The following CFAP47 variants were observed in gnomAD, a reference collection of about 807,000 sequenced individuals.
The protein encoded by CFAP47 is cilia- and flagella-associated protein 47.
In CFAP47, 29 loss-of-function variants were observed where a neutral mutation model predicts 148.1. The observed-to-expected ratio is 0.20, with a 90% CI of 0.15 to 0.27. The LOEUF is 0.27. Ranked by LOEUF, CFAP47 falls within the 10% of genes least tolerant of loss-of-function variation. CFAP47 has a pLI of 1.00. For synonymous variants in CFAP47, 664 were observed against 577.3 expected (o/e 1.15, Z -2.15); for missense variants, 1,872 against 1,697.5 (o/e 1.10, Z -1.81).
intron 26 of CFAP47, among the ~76,000 whole-genome samples, chrX:36,059,968 C>G (rs1338175631): frequency 9.0e-6 from 1 of 111,041 alleles, no homozygotes; most frequent in Non-Finnish European, 1.9e-5. Context: ...CTCACTCCTC[C>G]CTCTCTTCCT....
chrX:36,249,984 A>G (rs1388967625), intron 48 of CFAP47, among the ~76,000 whole-genome samples: 4 of 111,388 alleles, frequency 3.6e-5, no homozygotes, highest in African/African-American at 1.3e-4. Flanking sequence ...AAATTAGTAC[A>G]GCCATTACGA....
At chrX:36,078,190 G>A (rs1937902418) in intron 29 of CFAP47, among the ~76,000 whole-genome samples, 1 of 111,599 alleles carries the variant, frequency 9.0e-6, no homozygotes, top group Non-Finnish European at 1.9e-5. Flanking sequence ...TTGATTTGGG[G>A]TGGAGAGTTC....
chrX:36,054,688 A>T (rs910100417), intron 26 of CFAP47, among the ~76,000 whole-genome samples: 2 of 111,908 alleles, frequency 1.8e-5, no homozygotes, highest in Admixed American at 9.5e-5. Flanking sequence ...AGCAGACTTA[A>T]AATTCATCAT....
intron 11 of CFAP47, 23 bp from the exon 12 acceptor site, chrX:35,971,563 T>G (rs1176779306): frequency 5.5e-5 from 52 of 946,899 alleles, no homozygotes; most frequent in Non-Finnish European, 7.4e-5. Flanking sequence ...AATTACTGAT[T>G]ATTATTATTA....
At chrX:35,976,707 A>AT (rs199966181) in intron 15 of CFAP47, among the ~76,000 whole-genome samples, 7 of 111,676 alleles carry the variant, frequency 6.3e-5, no homozygotes, top group Non-Finnish European at 1.3e-4. Flanking sequence ...AGAATGACAT[A>AT]TTTTTCTAGT....
chrX:35,960,380 G>GGAAAAAAAAAAAA (rs1227681980), intron 8 of CFAP47, among the ~76,000 whole-genome samples: 4 of 15,489 alleles, frequency 2.6e-4, no homozygotes, highest in African/African-American at 1.0e-3. Context: ...GCTAATTTCT[G>GGAAAAAAAAAAAA]AAAAAAAAAA....
At chrX:36,044,891 G>A (rs937280924) in intron 25 of CFAP47, among the ~76,000 whole-genome samples, 2 of 112,014 alleles carry the variant, frequency 1.8e-5, no homozygotes, top group African/African-American at 6.5e-5. Context: ...ATTGTTATCT[G>A]TTGGCATGTA....
chrX:36,381,405 A>G (rs1028977631), intron 63 of CFAP47, among the ~76,000 whole-genome samples: 1 of 112,187 alleles, frequency 8.9e-6, no homozygotes, highest in Admixed American at 9.5e-5. Context: ...TTTTTAAATG[A>G]ATGATTTTAA....
chrX:36,070,573 C>T (rs1020163446), intron 27 of CFAP47, among the ~76,000 whole-genome samples: 2 of 106,887 alleles, frequency 1.9e-5, no homozygotes, highest in Non-Finnish European at 3.9e-5. Context: ...TCTCAGCTCA[C>T]CTCCACCTCC....
intron 26 of CFAP47, among the ~76,000 whole-genome samples, chrX:36,055,819 CTGT>C (rs1445930026): frequency 8.9e-6 from 1 of 111,949 alleles, no homozygotes; most frequent in Non-Finnish European, 1.9e-5. Flanking sequence ...TCACCAGCAT[CTGT>C]TGTTTCTTGA....
chrX:36,290,303 G>A (rs1179865438), intron 51 of CFAP47, among the ~76,000 whole-genome samples: 4 of 111,836 alleles, frequency 3.6e-5, no homozygotes, highest in Admixed American at 9.5e-5. Flanking sequence ...TAGTCATAAT[G>A]AATTCTACTG....
At chrX:36,031,464 C>T (rs1449750923) in intron 23 of CFAP47, 117 bp downstream of exon 23, 1 of 259,130 alleles carries the variant, frequency 3.9e-6, no homozygotes, top group Non-Finnish European at 6.8e-6. Context: ...ATTAATTTCT[C>T]CCCAATTGTT....
At chrX:36,144,728 G>T (rs1424652751) in intron 35 of CFAP47, 1 of 1,024,176 alleles carries the variant, frequency 9.8e-7, no homozygotes, top group Non-Finnish European at 1.3e-6. Context: ...TTGTTTGTTT[G>T]TTCTTTTTTA....
chrX:36,146,639 A>G (rs183156429), intron 36 of CFAP47, among the ~76,000 whole-genome samples: 1 of 111,797 alleles, frequency 8.9e-6, no homozygotes, highest in East Asian at 2.8e-4. Context: ...TCTTTTATGT[A>G]TTTTGCTCCT....
chrX:35,935,673 G>A (rs1219176926), intron 2 of CFAP47, among the ~76,000 whole-genome samples: 1 of 108,928 alleles, frequency 9.2e-6, no homozygotes, highest in African/African-American at 3.4e-5. Flanking sequence ...ATTTTTTTAG[G>A]TGATCTTTAA....
chrX:36,248,231 T>G (rs1940644086), intron 48 of CFAP47, among the ~76,000 whole-genome samples: 2 of 105,582 alleles, frequency 1.9e-5, no homozygotes, highest in South Asian at 7.8e-4. Context: ...TATTATGTAT[T>G]ATATTATACA....
intron 33 of CFAP47, among the ~76,000 whole-genome samples, chrX:36,129,266 T>G (rs1938902479): frequency 9.0e-6 from 1 of 111,057 alleles, no homozygotes; most frequent in Admixed American, 9.6e-5. Context: ...TCTATTCTAT[T>G]ATATGCAACT....
At chrX:36,175,103 G>T (rs1271963108) in intron 39 of CFAP47, among the ~76,000 whole-genome samples, 4 of 111,588 alleles carry the variant, frequency 3.6e-5, no homozygotes, top group African/African-American at 1.3e-4. Flanking sequence ...CGGCTCCTGA[G>T]GCTTCTGCAT....
At chrX:36,369,498 A>C (rs1380423379) in intron 62 of CFAP47, among the ~76,000 whole-genome samples, 1 of 110,885 alleles carries the variant, frequency 9.0e-6, no homozygotes, top group Admixed American at 9.7e-5. Context: ...AAGTGCTTCT[A>C]ATGTGCAGAT....
Sources: allele counts gnomAD v4.1 joint callset (sites outside exome capture counted in the v4.1 genomes callset), GRCh38; gene constraint gnomAD v4.1.1; transcripts MANE v1.5; gene names NCBI Gene and HGNC (gene_info 2026-07-23, HGNC 2026-07-21).